Variants in FKBP5 observed in about 807,000 individuals in gnomAD.
FKBP5 encodes the protein FKBP prolyl isomerase 5, also known as peptidyl-prolyl cis-trans isomerase FKBP5.
FKBP5 carries 23 observed loss-of-function variants against 50.5 expected under a neutral mutation model. The observed-to-expected ratio is 0.46, with a 90% CI of 0.33 to 0.65. FKBP5 has a LOEUF of 0.65. Ranked by LOEUF, FKBP5 falls within the 30% of genes least tolerant of loss-of-function variation. FKBP5 has a pLI of 0.02. For synonymous variants in FKBP5, 176 were observed against 190.6 expected, an observed-to-expected ratio of 0.92 and a Z score of 0.63; for missense variants, 411 against 553.1, an observed-to-expected ratio of 0.74 and a Z score of 2.58.
intron 2 of FKBP5, 40 bp downstream of exon 2, chr6:35,642,680 A>G: frequency 6.7e-7 from 1 of 1,493,260 alleles, no homozygotes; most frequent in Non-Finnish European, 9.3e-7. Flanking sequence ...CTTTCCAGAC[A>G]GCAGGTTTCC....
In FKBP5 at chr6:35,709,483, T is replaced by C. The variant is rs1407508220; in HGVS notation, c.-20+10845A>G. ...ATATGGGCAACATTTTCCAGAAGTA[T>C]ATACTGTTTGAATTTTTCACCATGT... On this transcript the variant is annotated intron_variant, in intron 2 of 11. Coordinates refer to the FKBP5 transcript ENST00000536438. Among the ~76,000 whole-genome samples the C allele has an allele frequency of 2.6e-5, 4 of 152,232 alleles. No homozygotes were observed. In the East Asian group the frequency reaches 7.7e-4, roughly 29 times the overall value.
Position 35,586,263 on chromosome 6 carries a change from C to A in FKBP5, c.840+771G>T, listed in dbSNP as rs1055244624. 3 of 984,910 alleles carry A rather than the reference C, an allele frequency of 3.0e-6. No individual in the cohort carries two copies. In the African/African-American group the frequency reaches 5.3e-5, roughly 17 times the overall value. The allele number at this position is 984,910 out of a possible 1,614,324, so 61.0% of individuals were successfully genotyped here. On this transcript the variant is annotated intron_variant, in intron 8 of 10. Coordinates refer to ENST00000357266, the MANE Select transcript of FKBP5 (RefSeq NM_004117.4). ...GTTTAAGATCTAAGTGAGAAAATAT[C>A]ACACTCCTAGTTGCTCCAAGAAGGG...
intron 5 of FKBP5, among the ~76,000 whole-genome samples, chr6:35,600,410 C>A (rs1385273403): frequency 6.7e-6 from 1 of 149,670 alleles, no homozygotes; most frequent in Admixed American, 6.6e-5. Context: ...AGAGTGAGAC[C>A]GTCTCAAAAA....
intron 5 of FKBP5, chr6:35,607,983 T>A (rs1438587927): frequency 6.8e-6 from 1 of 147,480 alleles, no homozygotes; most frequent in Non-Finnish European, 1.5e-5. Flanking sequence ...TTGACAGACT[T>A]GAAATAAAAA....
chr6:35,673,764 G>T (rs1040577958), intron 1 of FKBP5, among the ~76,000 whole-genome samples: 1 of 152,090 alleles, frequency 6.6e-6, no homozygotes, highest in African/African-American at 2.4e-5. Context: ...TTATCATATA[G>T]TTCCTGGTAA....
At chr6:35,685,810 C>T (rs1324095607) in intron 1 of FKBP5, among the ~76,000 whole-genome samples, 1 of 151,864 alleles carries the variant, frequency 6.6e-6, no homozygotes, top group Non-Finnish European at 1.5e-5. Flanking sequence ...GGCAAAACCC[C>T]GTCTCTACTA....
chr6:35,681,053 C>A (rs6457839), intron 1 of FKBP5, among the ~76,000 whole-genome samples: 1 of 152,074 alleles, frequency 6.6e-6, no homozygotes, highest in East Asian at 1.9e-4. Context: ...CAAAAGACAG[C>A]CAACGATTCT....
chr6:35,664,988 C>T (rs929264788), intron 1 of FKBP5, among the ~76,000 whole-genome samples: 10 of 152,092 alleles, frequency 6.6e-5, no homozygotes, highest in African/African-American at 2.2e-4. Context: ...TCAATAGGAC[C>T]GCCAACTATT....
intron 7 of FKBP5, among the ~76,000 whole-genome samples, chr6:35,590,709 T>C (rs182473562): frequency 3.9e-5 from 6 of 152,194 alleles, no homozygotes; most frequent in Non-Finnish European, 7.4e-5. Flanking sequence ...TGCAGGCCTC[T>C]TCGTGACTCC....
intron 2 of FKBP5, among the ~76,000 whole-genome samples, chr6:35,712,864 C>A (rs966573138): frequency 6.6e-6 from 1 of 151,920 alleles, no homozygotes; most frequent in Admixed American, 6.6e-5. Context: ...CTTAGTAAAC[C>A]TTCATCACAG....
At chr6:35,625,931 C>T (rs1299411851) in intron 3 of FKBP5, among the ~76,000 whole-genome samples, 2 of 151,560 alleles carry the variant, frequency 1.3e-5, no homozygotes, top group African/African-American at 2.4e-5. Flanking sequence ...AGGCGCTAGC[C>T]ACCACTCCTG....
intron 1 of FKBP5, among the ~76,000 whole-genome samples, chr6:35,687,448 G>C (rs1286107625): frequency 6.6e-6 from 1 of 152,178 alleles, no homozygotes; most frequent in Admixed American, 6.5e-5. Context: ...CAAACACCAA[G>C]AGAAGCAGCT....
At chr6:35,665,678 T>C (rs770581451) in intron 1 of FKBP5, among the ~76,000 whole-genome samples, 1 of 152,160 alleles carries the variant, frequency 6.6e-6, no homozygotes, top group Non-Finnish European at 1.5e-5. Flanking sequence ...CAATACACAC[T>C]ATGGGTCTGT....
chr6:35,672,846 C>T (rs1479897144), intron 1 of FKBP5, among the ~76,000 whole-genome samples: 20 of 151,320 alleles, frequency 1.3e-4, no homozygotes, highest in East Asian at 1.9e-4. Flanking sequence ...AGGAGAATGG[C>T]GTGAACCTGA....
intron 1 of FKBP5, among the ~76,000 whole-genome samples, chr6:35,645,909 A>G (rs1402983911): frequency 6.6e-6 from 1 of 152,162 alleles, no homozygotes; most frequent in Non-Finnish European, 1.5e-5. Flanking sequence ...TGAGGCCAGG[A>G]GTTTGAGACC....
intron 5 of FKBP5, among the ~76,000 whole-genome samples, chr6:35,616,289 T>C (rs1403269760): frequency 8.4e-6 from 1 of 118,968 alleles, no homozygotes; most frequent in Non-Finnish European, 1.6e-5. Flanking sequence ...CACTCTAGCC[T>C]GGATGACAGA....
intron 3 of FKBP5, among the ~76,000 whole-genome samples, chr6:35,625,731 G>A (rs1199556092): frequency 3.5e-5 from 5 of 144,378 alleles, no homozygotes; most frequent in Admixed American, 7.0e-5. Flanking sequence ...GCAAGACTCC[G>A]TCTCAAAAAA....
intron 2 of FKBP5, among the ~76,000 whole-genome samples, chr6:35,708,200 G>A (rs1035439326): frequency 1.3e-5 from 2 of 152,156 alleles, no homozygotes; most frequent in African/African-American, 4.8e-5. Flanking sequence ...TTTGTACTGA[G>A]TATAAATAAC....
chr6:35,632,845 T>C (rs1764200954), intron 3 of FKBP5, among the ~76,000 whole-genome samples: 2 of 149,852 alleles, frequency 1.3e-5, no homozygotes, highest in Non-Finnish European at 1.5e-5. Context: ...GCTGAGATCA[T>C]GCCATTGCAC....
Sources: gnomAD v4.1 joint callset for allele counts (sites outside exome capture counted in the v4.1 genomes callset) on GRCh38, gnomAD v4.1.1 for gene constraint, MANE v1.5 for transcripts, NCBI Gene and HGNC (gene_info 2026-07-23, HGNC 2026-07-21) for gene names.